Variants in COL28A1 observed in about 807,000 individuals in gnomAD.
The protein encoded by COL28A1 is collagen type XXVIII alpha 1 chain.
In COL28A1, 161 loss-of-function variants were observed where a neutral mutation model predicts 150.2. The observed-to-expected ratio is 1.07, with a 90% CI of 0.94 to 1.22. COL28A1 has a LOEUF of 1.22. Ranked by LOEUF, COL28A1 falls within the 50% of genes most tolerant of loss-of-function variation. The pLI, the probability that COL28A1 is intolerant of heterozygous loss-of-function variation, is 0.00. For missense variants in COL28A1, 1,617 were observed against 1,388.3 expected (o/e 1.16, Z -2.62); for synonymous variants, 552 against 469.7 (o/e 1.18, Z -2.26).
rs531369420 is a variant in COL28A1, at chr7:7,501,471, G to C, written c.1026+4543C>G. On this transcript the variant is annotated intron_variant, in intron 11 of 34. Coordinates refer to ENST00000399429, the MANE Select transcript of COL28A1 (RefSeq NM_001037763.3). ...AGTCCCTCCTCCCAAGGCACAAAGA[G>C]AGTCTTGGAAAGAGTGGATTTGCAT... 3.3e-5 allele frequency among the ~76,000 whole-genome samples: 5 copies of C among 152,306 alleles called. No homozygotes were observed. In the South Asian group the frequency reaches 1.0e-3, roughly 32 times the overall value.
At chr7:7,338,454 A>G in the COL28A1 span, among the ~76,000 whole-genome samples, 22 of 151,920 alleles carry the variant, frequency 1.4e-4, no homozygotes, top group Admixed American at 1.4e-3. Context: ...CTTTGTAGCT[A>G]TTGTAAATAG....
intron 20 of COL28A1, among the ~76,000 whole-genome samples, chr7:7,441,325 A>G (rs1785771037): frequency 6.6e-6 from 1 of 152,156 alleles, no homozygotes; most frequent in Non-Finnish European, 1.5e-5. Flanking sequence ...TTCCCCCAAA[A>G]GAGACCAATA....
chr7:7,519,040 C>T (rs1781566731), intron 6 of COL28A1, among the ~76,000 whole-genome samples: 2 of 152,022 alleles, frequency 1.3e-5, no homozygotes, highest in African/African-American at 2.4e-5. Context: ...TTTAATATTC[C>T]TTCCTTATAT....
intron 2 of COL28A1, 92 bp downstream of exon 2, chr7:7,532,660 G>T (rs1254114919): frequency 2.0e-6 from 3 of 1,479,716 alleles, no homozygotes; most frequent in Non-Finnish European, 2.7e-6. Context: ...CATGTATATG[G>T]CTTGCTATTT....
chr7:7,398,214 T>C (rs560981729), intron 27 of COL28A1, among the ~76,000 whole-genome samples: 60 of 152,344 alleles, frequency 3.9e-4, no homozygotes, highest in African/African-American at 1.3e-3. Context: ...ATTCTTCTGA[T>C]AGTCATCAAA....
At position 7,452,367 on chromosome 7, in the gene COL28A1, T is replaced by A; in HGVS notation, c.1461A>T (p.Gly487=). The change falls in exon 18 of 35, where the codon GGA becomes GGT. Residue 487 remains glycine (G), a synonymous_variant. Transcript: ENST00000399429. The part of the protein sequence containing the change: ...PGSKGEVGQM[G]PTGPRGPVGI... ...CCACTGGTCCTCGAGGGCCTGTAGGTCCCATTTGGCCTACTTCTCCCTAGT... is the reference window on the plus strand; with the variant it reads ...CCACTGGTCCTCGAGGGCCTGTAGGACCCATTTGGCCTACTTCTCCCTAGT... The A allele has an allele frequency of 1.2e-6, 2 of 1,603,270 alleles. No homozygotes were observed. The highest frequency in any genetic ancestry group is 1.7e-6 in the Non-Finnish European group (2 of 1,177,644).
chr7:7,435,917 G>A (rs1785306583), intron 23 of COL28A1, among the ~76,000 whole-genome samples: 1 of 152,154 alleles, frequency 6.6e-6, no homozygotes, highest in Admixed American at 6.5e-5. Context: ...GAGGAAAAAT[G>A]GTGCTTCGTT....
intron 5 of COL28A1, 46 bp downstream of exon 5, chr7:7,521,859 A>G (rs1174534559): frequency 8.1e-6 from 7 of 861,332 alleles, no homozygotes; most frequent in South Asian, 3.9e-5. Context: ...TAGAGCTATC[A>G]TTGCTAGGAC....
At chr7:7,477,213 GGA>G in intron 13 of COL28A1, 33 bp from the exon 14 acceptor site, 1 of 894,392 alleles carries the variant, frequency 1.1e-6, no homozygotes, top group Non-Finnish European at 1.9e-6. Flanking sequence ...AGGAGCAGGA[GGA>G]GAGAGAAAAG....
Position 7,452,386 on chromosome 7 carries a change from C to G in COL28A1, c.1442G>C (p.Gly481Ala). The G allele has an allele frequency of 6.3e-7, 1 of 1,594,564 alleles. No homozygotes were observed. The highest frequency in any genetic ancestry group is 8.5e-7 in the Non-Finnish European group (1 of 1,175,498). Residue 481 changes from glycine to alanine, a missense_variant and splice_region_variant, in exon 18 of 35, where the codon GGA (glycine) becomes GCA (alanine). Gly to Ala is a moderately conservative substitution (Grantham distance 60). Transcript: ENST00000399429. ...PAGQGLPGSK[G>A]EVGQMGPTGP... ...TGTAGGTCCCATTTGGCCTACTTCT[C>G]CCTAGTAAGAAAAGAGTTTAATACA...
rs188792638 is a variant in COL28A1, at chr7:7,495,970, T to C, written c.1027-5324A>G. ...CCCACCCCAGCAACATTGGCTTTTGTTGAATTCCTTGTACTTGCCTTGCTC... is the reference window on the plus strand; with the variant it reads ...CCCACCCCAGCAACATTGGCTTTTGCTGAATTCCTTGTACTTGCCTTGCTC... On this transcript the variant is annotated intron_variant, in intron 11 of 34. Transcript: ENST00000399429. Among the ~76,000 whole-genome samples the C allele has an allele frequency of 3.0e-4, 45 of 152,306 alleles. No individual in the cohort carries two copies. In the East Asian group the frequency reaches 7.5e-3, roughly 26 times the overall value.
intron 4 of COL28A1, among the ~76,000 whole-genome samples, chr7:7,523,885 C>G (rs555909929): frequency 6.6e-6 from 1 of 152,258 alleles, no homozygotes; most frequent in East Asian, 1.9e-4. Flanking sequence ...ACCAGGAACA[C>G]CCCCCAAAAT....
chr7:7,417,745 C>G (rs933712649), intron 27 of COL28A1, 114 bp downstream of exon 27: 1 of 848,956 alleles, frequency 1.2e-6, no homozygotes, highest in South Asian at 1.4e-5. Context: ...CATTTAACTG[C>G]GAGGCTCACA....
At chr7:7,497,960 A>G (rs986201528) in intron 11 of COL28A1, among the ~76,000 whole-genome samples, 3 of 152,214 alleles carry the variant, frequency 2.0e-5, no homozygotes, top group African/African-American at 7.2e-5. Context: ...TAGGTAAGAG[A>G]GAAAGTCCAG....
chr7:7,432,361 T>C (rs1785031505), intron 25 of COL28A1, 112 bp downstream of exon 25: 16 of 752,540 alleles, frequency 2.1e-5, no homozygotes. Flanking sequence ...CTTTATCAAT[T>C]ATTTCAGACA....
At chr7:7,432,581 A>G in intron 24 of COL28A1, 40 bp from the exon 25 acceptor site, 1 of 1,611,620 alleles carries the variant, frequency 6.2e-7, no homozygotes, top group Non-Finnish European at 8.5e-7. Flanking sequence ...GCATCCTTGT[A>G]GTATGCAACA....
intron 27 of COL28A1, among the ~76,000 whole-genome samples, chr7:7,385,384 G>C (rs1156435199): frequency 2.6e-5 from 4 of 152,144 alleles, no homozygotes; most frequent in African/African-American, 7.2e-5. Flanking sequence ...TCCATGGTTG[G>C]CTTTGTCTCA....
intron 28 of COL28A1, 118 bp from the exon 29 acceptor site, chr7:7,380,980 T>C: frequency 1.2e-6 from 1 of 860,172 alleles, no homozygotes; most frequent in Non-Finnish European, 1.9e-6. Flanking sequence ...AGTTCTTGTT[T>C]ATACAAATGC....
rs1234466271 is a variant in COL28A1 at position 7,381,630 on chromosome 7, A to C, written c.2137-18T>G. 1.9e-6 allele frequency: 3 copies of C among 1,597,312 alleles called. No homozygotes were observed. The highest frequency in any genetic ancestry group is 2.6e-6 in the Non-Finnish European group (3 of 1,164,928). On this transcript the variant is annotated intron_variant, in intron 27 of 34. Coordinates refer to ENST00000399429, the MANE Select transcript of COL28A1 (RefSeq NM_001037763.3). ...TGTTCCCCCTACATAGGATATGAGA[A>C]AGAGATGTTCTATTAATTTCCCAGG...
Sources: gnomAD v4.1 joint callset for allele counts (sites outside exome capture counted in the v4.1 genomes callset) on GRCh38, gnomAD v4.1.1 for gene constraint, MANE v1.5 for transcripts, NCBI Gene and HGNC (gene_info 2026-07-23, HGNC 2026-07-21) for gene names.